Variants in KCNJ12 observed in about 807,000 individuals in gnomAD.
The protein encoded by KCNJ12 is ATP-sensitive inward rectifier potassium channel 12.
In KCNJ12, 2 loss-of-function variants were observed where a neutral mutation model predicts 22.3. The ratio of observed to expected loss-of-function variants is 0.09; its 90% CI spans 0.04 to 0.28. KCNJ12 has a LOEUF of 0.28. KCNJ12 is among the 10% of genes least tolerant of loss of function. The pLI is 1.00. For synonymous variants in KCNJ12, 117 were observed against 261.4 expected, an observed-to-expected ratio of 0.45 and a Z score of 5.33; for missense variants, 155 against 633.3, an observed-to-expected ratio of 0.24 and a Z score of 8.11.
Position 21,388,866 on chromosome 17 carries a change from C to T in KCNJ12, c.-179+11953C>T, listed in dbSNP as rs190171258. Among the ~76,000 whole-genome samples the T allele has an allele frequency of 2.2e-4, 32 of 148,478 alleles. 1 individual carries two copies. Among genetic ancestry groups the T allele is most frequent in the African/African-American group, 6.2e-4 (24 of 38,974 alleles). On this transcript the variant is annotated intron_variant, in intron 1 of 2. Coordinates refer to ENST00000583088, the MANE Select transcript of KCNJ12 (RefSeq NM_021012.5). ...TTCTCTAAAGAAGGCCCCGCTGGGC[C>T]CCCCCCGAGGGAAGGTAGAGACATC...
chr17:21,389,654 G>T (rs1404069150), intron 1 of KCNJ12, among the ~76,000 whole-genome samples: 2 of 152,156 alleles, frequency 1.3e-5, no homozygotes, highest in Non-Finnish European at 2.9e-5. Flanking sequence ...TGCAGAGGGT[G>T]GGGGTGTGGT....
chr17:21,398,939 G>T (rs1555560188), intron 1 of KCNJ12, among the ~76,000 whole-genome samples: 1 of 152,220 alleles, frequency 6.6e-6, no homozygotes, highest in East Asian at 1.9e-4. Flanking sequence ...GAATGATTAG[G>T]CCCATTCCAC....
At chr17:21,413,950 G>A (rs1393919691) in intron 2 of KCNJ12, among the ~76,000 whole-genome samples, 1 of 152,274 alleles carries the variant, frequency 6.6e-6, no homozygotes, top group Non-Finnish European at 1.5e-5. Context: ...GATGCGGGAA[G>A]CAGGGGCTGG....
At position 21,416,555 on chromosome 17, in the gene KCNJ12, A is replaced by C. The variant is rs140886041; in HGVS notation, c.1213A>C (p.Ser405Arg). The C allele has an allele frequency of 1.9e-4, 306 of 1,607,970 alleles. No individual in the cohort carries two copies. Among genetic ancestry groups the C allele is most frequent in the Non-Finnish European group, 2.4e-4 (280 of 1,176,584 alleles). ...DQDGRSRDGLSPQARHDFDRL... is the reference protein window; with the variant it reads ...DQDGRSRDGLRPQARHDFDRL... The stretch of plus-strand genomic sequence containing the variant: ...GGACGGCCGAAGCCGGGACGGCCTC[A>C]GCCCCCAGGCCAGGCATGACTTTGA... The change falls in exon 3 of 3, where the codon AGC becomes CGC. Residue 405 changes from serine (S) to arginine (R), a missense_variant. Physicochemically the swap from Ser to Arg is moderately radical, Grantham distance 110. Coordinates refer to ENST00000583088, the MANE Select transcript of KCNJ12 (RefSeq NM_021012.5).
At chr17:21,404,407 G>A (rs1227858983) in intron 1 of KCNJ12, among the ~76,000 whole-genome samples, 3 of 152,266 alleles carry the variant, frequency 2.0e-5, no homozygotes, top group African/African-American at 4.8e-5. Flanking sequence ...CTGGGCTCCC[G>A]AGGGCCCAGC....
At chr17:21,410,292 A>G (rs1247978069) in intron 2 of KCNJ12, among the ~76,000 whole-genome samples, 1 of 152,350 alleles carries the variant, frequency 6.6e-6, no homozygotes, top group East Asian at 1.9e-4. Flanking sequence ...ACCGGCTCAG[A>G]GCCTCAGTCT....
rs962553900 is a variant in KCNJ12, at chr17:21,381,985, A to G, written c.-179+5072A>G. Among the ~76,000 whole-genome samples the G allele has an allele frequency of 2.0e-5, 3 of 152,192 alleles. No individual in the cohort carries two copies. In the East Asian group the frequency reaches 5.8e-4, roughly 29 times the overall value. On this transcript the variant is annotated intron_variant, in intron 1 of 2. Transcript: ENST00000583088. ...CCAGCATTGTCAGCCCATTCTGCAG[A>G]TGAGAAAACTGAGCCTCAGAGAGGT...
In KCNJ12 at chr17:21,416,860, C is replaced by T. The variant is rs1906867722; in HGVS notation, c.*216C>T. 1 of 750,078 alleles carries T rather than the reference C, an allele frequency of 1.3e-6. No individual in the cohort carries two copies. Among genetic ancestry groups the T allele is most frequent in the Non-Finnish European group, 2.1e-6 (1 of 466,780 alleles). The allele number at this position is 750,078 out of a possible 1,614,324, so 46.5% of individuals were successfully genotyped here. Reference sequence around the variant, plus strand: ...CCCCGGCCTCAGAGGCTATCACAGGCTCAGGGCAAAGAAGTGGCCTCCTGG... The same window carrying T: ...CCCCGGCCTCAGAGGCTATCACAGGTTCAGGGCAAAGAAGTGGCCTCCTGG... On this transcript the variant is annotated 3_prime_UTR_variant, in exon 3 of 3. Coordinates refer to ENST00000583088, the MANE Select transcript of KCNJ12 (RefSeq NM_021012.5).
intron 2 of KCNJ12, among the ~76,000 whole-genome samples, chr17:21,409,641 G>A (rs1472680937): frequency 7.2e-5 from 11 of 152,310 alleles, no homozygotes; most frequent in Non-Finnish European, 1.2e-4. Flanking sequence ...TGTCCTGGCA[G>A]CATCAGCTCC....
At chr17:21,407,358 T>TTCCA (rs368177523) in intron 1 of KCNJ12, among the ~76,000 whole-genome samples, 8 of 151,518 alleles carry the variant, frequency 5.3e-5, no homozygotes, top group African/African-American at 9.7e-5. Context: ...TCACCCAACA[T>TTCCA]TCCATCCATC....
chr17:21,411,819 T>A (rs1657724), intron 2 of KCNJ12, among the ~76,000 whole-genome samples: 4 of 152,308 alleles, frequency 2.6e-5, no homozygotes, highest in African/African-American at 7.2e-5. Flanking sequence ...ATATTTCTTA[T>A]ATTGCGACCT....
chr17:21,413,697 C>T (rs555705418), intron 2 of KCNJ12, among the ~76,000 whole-genome samples: 3 of 152,426 alleles, frequency 2.0e-5, no homozygotes, highest in East Asian at 3.9e-4. Flanking sequence ...CAGTGTGGGG[C>T]CTTTAGTGGG....
intron 1 of KCNJ12, among the ~76,000 whole-genome samples, chr17:21,381,242 T>A (rs1311848899): frequency 6.6e-6 from 1 of 152,070 alleles, no homozygotes; most frequent in Non-Finnish European, 1.5e-5. Context: ...TGCCCTCACC[T>A]GCAGCCCAGG....
intron 2 of KCNJ12, among the ~76,000 whole-genome samples, chr17:21,413,249 A>G (rs1906478858): frequency 9.2e-6 from 1 of 109,032 alleles, no homozygotes; most frequent in Non-Finnish European, 2.2e-5. Flanking sequence ...TGGGACTGGG[A>G]CAAGTCCATT....
chr17:21,406,735 G>A (rs1374084171), intron 1 of KCNJ12, among the ~76,000 whole-genome samples: 1 of 152,308 alleles, frequency 6.6e-6, no homozygotes, highest in Non-Finnish European at 1.5e-5. Flanking sequence ...GGCTAATGAG[G>A]TGGGGGTGAC....
At chr17:21,407,859 C>T (rs1458799595) in intron 1 of KCNJ12, among the ~76,000 whole-genome samples, 9 of 152,278 alleles carry the variant, frequency 5.9e-5, no homozygotes, top group African/African-American at 2.2e-4. Context: ...GCCATCCACC[C>T]TCACACCCAA....
intron 1 of KCNJ12, among the ~76,000 whole-genome samples, chr17:21,387,527 G>A (rs1597557987): frequency 6.6e-6 from 1 of 150,640 alleles, no homozygotes; most frequent in Non-Finnish European, 1.5e-5. Flanking sequence ...GAGGTGTTTT[G>A]GCATCAGCTA....
chr17:21,383,422 G>C (rs546185698), intron 1 of KCNJ12, among the ~76,000 whole-genome samples: 2 of 152,278 alleles, frequency 1.3e-5, no homozygotes, highest in East Asian at 3.9e-4. Context: ...GGGTCCAGGG[G>C]AGCTTGGCGT....
chr17:21,402,910 C>A lies in KCNJ12; in HGVS notation c.-178-5609C>A, dbSNP rs529836829. On this transcript the variant is annotated intron_variant, in intron 1 of 2. Coordinates refer to ENST00000583088, the MANE Select transcript of KCNJ12 (RefSeq NM_021012.5). ...AGGCAGGACACCTGGGTGCTAGGCC[C>A]AGCTCTGGCTCAGACTGGTGACCTT... is the stretch of plus-strand genomic sequence containing the variant. Among the ~76,000 whole-genome samples the A allele has an allele frequency of 1.4e-4, 22 of 152,420 alleles. No individual in the cohort carries two copies. The South Asian group carries it at 3.9e-3, about 27-fold the overall frequency.
Sources: allele counts gnomAD v4.1 joint callset (sites outside exome capture counted in the v4.1 genomes callset), GRCh38; gene constraint gnomAD v4.1.1; transcripts MANE v1.5; gene names NCBI Gene and HGNC (gene_info 2026-07-23, HGNC 2026-07-21).